SH2D4B: variants seen among roughly 807,000 people sequenced by gnomAD.
The protein encoded by SH2D4B is SH2 domain containing 4B.
Under a neutral mutation model 61.5 loss-of-function variants are expected in SH2D4B, and 45 were observed. That is an observed-to-expected ratio of 0.73 (90% CI 0.58 to 0.94). The LOEUF (loss-of-function observed/expected upper bound fraction) is 0.94, where lower values mean the gene tolerates loss of function less well. Ranked by LOEUF, SH2D4B falls within the 40% of genes least tolerant of loss-of-function variation. The pLI, the probability that SH2D4B is intolerant of heterozygous loss-of-function variation, is 0.00. For missense variants in SH2D4B, 572 were observed against 574.2 expected, an observed-to-expected ratio of 1.00 and a Z score of 0.04; for synonymous variants, 224 against 220.4, an observed-to-expected ratio of 1.02 and a Z score of -0.14.
At chr10:80,599,087 C>T (rs888648806) in intron 4 of SH2D4B, among the ~76,000 whole-genome samples, 1 of 152,066 alleles carries the variant, frequency 6.6e-6, no homozygotes, top group African/African-American at 2.4e-5. Context: ...GGGCTCAGGC[C>T]CAGGTCAGGG....
chr10:80,566,531 G>A (rs1314735461), intron 1 of SH2D4B, among the ~76,000 whole-genome samples: 1 of 152,024 alleles, frequency 6.6e-6, no homozygotes, highest in East Asian at 1.9e-4. Flanking sequence ...CCTGACCTCA[G>A]GTGATCTGCC....
chr10:80,594,065 C>T (rs545601522), intron 4 of SH2D4B, among the ~76,000 whole-genome samples: 4 of 152,244 alleles, frequency 2.6e-5, no homozygotes, highest in South Asian at 4.1e-4. Context: ...CTGTCCACCT[C>T]GACCTCCCAA....
At chr10:80,541,384 A>G (rs964999839) in intron 1 of SH2D4B, among the ~76,000 whole-genome samples, 1 of 152,024 alleles carries the variant, frequency 6.6e-6, no homozygotes, top group Non-Finnish European at 1.5e-5. Context: ...ACCCAGTGCT[A>G]TTCTTGTCTC....
chr10:80,609,403 C>T, intron 5 of SH2D4B, 21 bp from the exon 6 acceptor site: 1 of 1,609,556 alleles, frequency 6.2e-7, no homozygotes, highest in Non-Finnish European at 8.5e-7. Flanking sequence ...CTTCTGCCCT[C>T]CCCACTTTCT....
At chr10:80,547,933 C>A (rs766442485) in intron 1 of SH2D4B, among the ~76,000 whole-genome samples, 5 of 152,010 alleles carry the variant, frequency 3.3e-5, no homozygotes, top group Admixed American at 6.6e-5. Context: ...GAAGGGGAGC[C>A]CCAAAATCAA....
intron 1 of SH2D4B, among the ~76,000 whole-genome samples, chr10:80,544,092 TG>T (rs201290919): frequency 0.012 from 1,784 of 152,246 alleles, 31 homozygotes; most frequent in African/African-American, 0.039. Flanking sequence ...TTTGTTCTTT[TG>T]CTCTTTGCAA....
chr10:80,644,291 C>T lies in SH2D4B; in HGVS notation c.*206C>T. The T allele has an allele frequency of 1.9e-6, 1 of 537,626 alleles. No homozygotes were observed. Among genetic ancestry groups the T allele is most frequent in the Non-Finnish European group, 3.3e-6 (1 of 303,220 alleles). The allele number at this position is 537,626 out of a possible 1,614,324, so 33.3% of individuals were successfully genotyped here. A position where few individuals can be genotyped will look rare whatever the true frequency, so the allele number is the denominator to read the frequency against. ...ATCGGGACAGAAATTGCTAATAGCT[C>T]ATGCAACTCTTTCATGAAGAGCTTA... On this transcript the variant is annotated 3_prime_UTR_variant, in exon 8 of 8. Coordinates refer to ENST00000646907, the MANE Select transcript of SH2D4B (RefSeq NM_001388272.1).
intron 7 of SH2D4B, among the ~76,000 whole-genome samples, chr10:80,637,006 T>C (rs768489784): frequency 8.5e-5 from 13 of 152,254 alleles, no homozygotes; most frequent in Middle Eastern, 3.2e-3. Flanking sequence ...TTTCTACTTA[T>C]GGCTAACCAG....
Position 80,635,039 on chromosome 10 carries a change from C to T in SH2D4B, c.1209+534C>T, listed in dbSNP as rs75850291. On this transcript the variant is annotated intron_variant, in intron 7 of 7. Transcript: ENST00000646907. ...GAGCCAGCACCTTAGTCTCACCAAACGTCAGCGTCCTAGCCAGGCAAATGG... is the reference window on the plus strand; with the variant it reads ...GAGCCAGCACCTTAGTCTCACCAAATGTCAGCGTCCTAGCCAGGCAAATGG... Among the ~76,000 whole-genome samples the T allele has an allele frequency of 7.7e-3, 1,173 of 152,284 alleles. 18 individuals are homozygous for T. The highest frequency in any genetic ancestry group is 0.027 in the African/African-American group (1,111 of 41,564).
In SH2D4B at chr10:80,603,640, G is replaced by A; in HGVS notation, c.705G>A (p.Glu235=). Residue 235 remains glutamate (E), a synonymous_variant, in exon 5 of 8, where the codon GAG becomes GAA. Transcript: ENST00000646907. ...GCCGAGCCCAGCGCGCCCGGGACGA[G>A]TACCGACACCACTCGCTCCGTGCTA... ...RSRRAQRARD[E]YRHHSLRAIQ... The A allele has an allele frequency of 1.2e-6, 2 of 1,601,278 alleles. No individual in the cohort carries two copies. The highest frequency in any genetic ancestry group is 1.7e-6 in the Non-Finnish European group (2 of 1,174,740).
chr10:80,572,780 C>T (rs1271071644), intron 3 of SH2D4B, among the ~76,000 whole-genome samples: 7 of 149,894 alleles, frequency 4.7e-5, no homozygotes, highest in Non-Finnish European at 7.4e-5. Flanking sequence ...TCACCATGCC[C>T]GGCTAATTTT....
At position 80,569,344 on chromosome 10, in the gene SH2D4B, T is replaced by C. The variant is rs1214738891; in HGVS notation, c.185-810T>C. On this transcript the variant is annotated intron_variant, in intron 1 of 7. Coordinates refer to ENST00000646907, the MANE Select transcript of SH2D4B (RefSeq NM_001388272.1). ...CCTTCAGAGAGTGCTGCAATGTCCC[T>C]TGATGTTCTTGTAGCAAAGTCCAAA... 2.0e-5 allele frequency among the ~76,000 whole-genome samples: 3 copies of C among 152,152 alleles called. No homozygotes were observed. In the South Asian group the frequency reaches 6.2e-4, roughly 32 times the overall value.
At chr10:80,599,201 G>A (rs1291334147) in intron 4 of SH2D4B, among the ~76,000 whole-genome samples, 2 of 152,178 alleles carry the variant, frequency 1.3e-5, no homozygotes, top group Non-Finnish European at 2.9e-5. Flanking sequence ...GGTAGAGCCG[G>A]AAGGGGCTAG....
intron 6 of SH2D4B, among the ~76,000 whole-genome samples, chr10:80,626,493 C>A (rs1842768368): frequency 6.6e-6 from 1 of 152,246 alleles, no homozygotes; most frequent in Non-Finnish European, 1.5e-5. Context: ...ATTGCCTCCT[C>A]TCCTCTCCTG....
intron 1 of SH2D4B, among the ~76,000 whole-genome samples, chr10:80,566,913 T>C (rs993852423): frequency 1.3e-5 from 2 of 152,180 alleles, no homozygotes; most frequent in African/African-American, 4.8e-5. Flanking sequence ...TTACTATATA[T>C]TGCTTGTAAC....
chr10:80,634,412 C>G lies in SH2D4B; in HGVS notation c.1116C>G (p.His372Gln). Residue 372 changes from histidine to glutamine, a missense_variant, in exon 7 of 8, where the codon CAC becomes CAG. Physicochemically the swap from His to Gln is conservative, Grantham distance 24. Transcript: ENST00000646907. Reference sequence around the variant, plus strand: ...ACCGCCTGCAGAAAGGGTTCAAACACTTTCTTGTGGATGCTTCTGGGGATT... The same window carrying G: ...ACCGCCTGCAGAAAGGGTTCAAACAGTTTCTTGTGGATGCTTCTGGGGATT... ...LSYRLQKGFKHFLVDASGDFY... is the reference protein window; with the variant it reads ...LSYRLQKGFKQFLVDASGDFY... 1 of 1,550,600 alleles carries G rather than the reference C, an allele frequency of 6.4e-7. No individual in the cohort carries two copies. Among genetic ancestry groups the G allele is most frequent in the Non-Finnish European group, 8.7e-7 (1 of 1,146,986 alleles).
intron 1 of SH2D4B, among the ~76,000 whole-genome samples, chr10:80,566,705 C>T (rs1450868548): frequency 2.0e-5 from 3 of 152,062 alleles, no homozygotes; most frequent in East Asian, 1.9e-4. Flanking sequence ...GTGAGGCAAG[C>T]GTGGAGGGTG....
At chr10:80,599,183 T>A (rs991279211) in intron 4 of SH2D4B, among the ~76,000 whole-genome samples, 1 of 152,086 alleles carries the variant, frequency 6.6e-6, no homozygotes, top group African/African-American at 2.4e-5. Context: ...TGCTGTAGGC[T>A]TGAGACAGGT....
chr10:80,561,629 A>T (rs1260798806), intron 1 of SH2D4B, among the ~76,000 whole-genome samples: 1 of 152,224 alleles, frequency 6.6e-6, no homozygotes, highest in African/African-American at 2.4e-5. Flanking sequence ...GAATTCTCAT[A>T]TACCCAGCTT....
Sources: allele counts gnomAD v4.1 joint callset (sites outside exome capture counted in the v4.1 genomes callset), GRCh38; gene constraint gnomAD v4.1.1; transcripts MANE v1.5; gene names NCBI Gene and HGNC (gene_info 2026-07-23, HGNC 2026-07-21).